THADA: variants seen among roughly 807,000 people sequenced by gnomAD.
THADA encodes the protein THADA armadillo repeat containing, also known as tRNA (32-2'-O)-methyltransferase regulator THADA.
THADA carries 213 observed loss-of-function variants against 219.8 expected under a neutral mutation model. The ratio of observed to expected loss-of-function variants is 0.97; its 90% CI spans 0.87 to 1.09. The LOEUF is 1.09. Among genes scored for constraint, THADA ranks in the 50% least tolerant of loss-of-function variants. The probability of loss-of-function intolerance (pLI) is 0.00; values close to 1 mark genes in which losing one functional copy is unlikely to be tolerated. For missense variants in THADA, 2,956 were observed against 2,311.3 expected (o/e 1.28, Z -5.72); for synonymous variants, 1,018 against 828.9 (o/e 1.23, Z -3.92).
At chr2:43,278,221 GATT>G (rs1189640666) in intron 36 of THADA, among the ~76,000 whole-genome samples, 1 of 152,134 alleles carries the variant, frequency 6.6e-6, no homozygotes, top group Non-Finnish European at 1.5e-5. Context: ...AAAGTGCTGA[GATT>G]ACAGGCGTGA....
chr2:43,265,978 C>T (rs1671473917), intron 36 of THADA, among the ~76,000 whole-genome samples: 1 of 123,918 alleles, frequency 8.1e-6, no homozygotes, highest in Non-Finnish European at 1.8e-5. Flanking sequence ...CACACACACA[C>T]ACACACACAC....
chr2:43,367,962 C>T lies in THADA; in HGVS notation c.4228-23725G>A, dbSNP rs140998263. Reference sequence around the variant, plus strand: ...TGAAACCCTGTCTCTACTAAAAATACAAAAAATTAGCCAGGCGTGGTGGCA... The same window carrying T: ...TGAAACCCTGTCTCTACTAAAAATATAAAAAATTAGCCAGGCGTGGTGGCA... On this transcript the variant is annotated intron_variant, in intron 29 of 37. Transcript: ENST00000405975. Among the ~76,000 whole-genome samples the T allele has an allele frequency of 5.3e-3, 800 of 152,070 alleles. 4 individuals carry two copies. The highest frequency in any genetic ancestry group is 0.018 in the African/African-American group (750 of 41,508).
intron 36 of THADA, among the ~76,000 whole-genome samples, chr2:43,255,228 G>T (rs1670184609): frequency 6.6e-6 from 1 of 152,148 alleles, no homozygotes; most frequent in Non-Finnish European, 1.5e-5. Context: ...GTAGGTGCGG[G>T]TTATTTTATA....
intron 12 of THADA, among the ~76,000 whole-genome samples, chr2:43,572,482 A>T (rs1018768331): frequency 6.6e-6 from 1 of 152,118 alleles, no homozygotes; most frequent in African/African-American, 2.4e-5. Context: ...TCACTTTCCT[A>T]ATCAAGCACC....
In THADA at chr2:43,480,824, G is replaced by GA. The variant is rs1255582214; in HGVS notation, c.3836+4409dup. Among the ~76,000 whole-genome samples, 1,117 of 129,268 alleles carry GA rather than the reference G, an allele frequency of 8.6e-3. 28 individuals carry two copies. The highest frequency in any genetic ancestry group is 0.028 in the African/African-American group (980 of 35,142). 84.8% of individuals were successfully genotyped at this position (129,268 alleles called of 152,430 possible). A position where few individuals can be genotyped will look rare whatever the true frequency, so the allele number is the denominator to read the frequency against. ...CAGTGCGAGACTCTGTCTTGGGGGG[G>GA]AAAAAAAAAAAAAAGAAAAAAAAAT... On this transcript the variant is annotated intron_variant, in intron 26 of 37. Coordinates refer to ENST00000405975, the MANE Select transcript of THADA (RefSeq NM_022065.5).
At chr2:43,505,394 T>C (rs1304083990) in intron 24 of THADA, among the ~76,000 whole-genome samples, 3 of 152,030 alleles carry the variant, frequency 2.0e-5, no homozygotes, top group East Asian at 3.8e-4. Context: ...GAGTTCTTTA[T>C]CTCCAGCAGA....
At chr2:43,504,590 C>G (rs1353512948) in intron 24 of THADA, among the ~76,000 whole-genome samples, 2 of 152,160 alleles carry the variant, frequency 1.3e-5, no homozygotes, top group Non-Finnish European at 2.9e-5. Context: ...TAGGAGTGTC[C>G]TACTATAGGC....
At chr2:43,430,162 A>G in intron 27 of THADA, 51 bp downstream of exon 27, 1 of 852,726 alleles carries the variant, frequency 1.2e-6, no homozygotes, top group African/African-American at 1.8e-5. Flanking sequence ...TCAATTACTA[A>G]GGTAATTCAC....
intron 34 of THADA, among the ~76,000 whole-genome samples, chr2:43,290,360 G>A (rs1193593719): frequency 2.0e-5 from 3 of 151,880 alleles, no homozygotes; most frequent in Non-Finnish European, 4.4e-5. Flanking sequence ...TTTTCTGGGG[G>A]CTTTTTTAGC....
chr2:43,323,530 C>A (rs950199433), intron 30 of THADA, among the ~76,000 whole-genome samples: 2 of 152,220 alleles, frequency 1.3e-5, no homozygotes, highest in Non-Finnish European at 2.9e-5. Context: ...AGACTGCCCC[C>A]TGCTAAAGCA....
chr2:43,311,945 T>A (rs1289947877), intron 31 of THADA, among the ~76,000 whole-genome samples: 1 of 152,170 alleles, frequency 6.6e-6, no homozygotes, highest in Non-Finnish European at 1.5e-5. Flanking sequence ...ATGCCTGTAA[T>A]CCCAGCACTT....
chr2:43,380,870 G>A (rs1671926081), intron 29 of THADA, among the ~76,000 whole-genome samples: 2 of 152,110 alleles, frequency 1.3e-5, no homozygotes, highest in South Asian at 4.1e-4. Flanking sequence ...AGGCTGAGGT[G>A]GGTGGATCAC....
At chr2:43,306,611 C>G (rs1037799387) in intron 31 of THADA, among the ~76,000 whole-genome samples, 5 of 152,134 alleles carry the variant, frequency 3.3e-5, no homozygotes, top group African/African-American at 1.2e-4. Flanking sequence ...GGTTGAGGGT[C>G]TGTAGAGTCT....
chr2:43,584,776 T>C (rs1700832724), intron 7 of THADA, among the ~76,000 whole-genome samples: 3 of 152,106 alleles, frequency 2.0e-5, no homozygotes, highest in African/African-American at 2.4e-5. Flanking sequence ...CTGTTGGCAC[T>C]AGGTACTCCT....
chr2:43,586,551 A>G, intron 6 of THADA, 102 bp from the exon 7 acceptor site: 1 of 1,324,640 alleles, frequency 7.5e-7, no homozygotes. Context: ...TGATATCATG[A>G]TATGGAAACA....
intron 26 of THADA, among the ~76,000 whole-genome samples, chr2:43,475,104 T>C (rs908762222): frequency 4.6e-5 from 7 of 152,098 alleles, no homozygotes; most frequent in Non-Finnish European, 1.0e-4. Flanking sequence ...TAAATAAAAA[T>C]AATTAATAAT....
chr2:43,347,626 A>C (rs1173392349), intron 29 of THADA, among the ~76,000 whole-genome samples: 1 of 152,246 alleles, frequency 6.6e-6, no homozygotes, highest in Non-Finnish European at 1.5e-5. Flanking sequence ...AGATATTCAT[A>C]GTAGGAGAAA....
chr2:43,433,098 A>G (rs1354787216), intron 26 of THADA, among the ~76,000 whole-genome samples: 1 of 152,088 alleles, frequency 6.6e-6, no homozygotes, highest in Non-Finnish European at 1.5e-5. Flanking sequence ...TAGCTTTTAC[A>G]TTGAGGTCTA....
intron 31 of THADA, among the ~76,000 whole-genome samples, chr2:43,295,760 C>T (rs778370493): frequency 2.8e-4 from 43 of 152,110 alleles, no homozygotes; most frequent in Non-Finnish European, 4.1e-4. Flanking sequence ...TTTGCATAGA[C>T]TTGCAATAAT....
Sources: gnomAD v4.1 joint callset for allele counts (sites outside exome capture counted in the v4.1 genomes callset) on GRCh38, gnomAD v4.1.1 for gene constraint, MANE v1.5 for transcripts, NCBI Gene and HGNC (gene_info 2026-07-23, HGNC 2026-07-21) for gene names.